INTS7: variants seen among roughly 807,000 people sequenced by gnomAD.
The protein encoded by INTS7 is integrator complex subunit 7, also known as chromosome 1 open reading frame 73.
A neutral mutation model predicts 109.2 loss-of-function variants in INTS7; 46 were observed. The observed-to-expected ratio is 0.42, with a 90% CI of 0.33 to 0.54. The LOEUF is 0.54. INTS7 is among the 20% of genes least tolerant of loss of function. The probability of loss-of-function intolerance (pLI) is 0.07; values close to 1 mark genes in which losing one functional copy is unlikely to be tolerated. For missense variants in INTS7, 929 were observed against 1,132.4 expected (o/e 0.82, Z 2.58); for synonymous variants, 412 against 402.9 (o/e 1.02, Z -0.27).
intron 6 of INTS7, 128 bp from the exon 7 acceptor site, chr1:212,006,889 G>C: frequency 1.4e-6 from 1 of 724,216 alleles, no homozygotes; most frequent in Non-Finnish European, 2.2e-6. Context: ...TCACTCACTA[G>C]CTATGTGCCC....
intron 1 of INTS7, among the ~76,000 whole-genome samples, chr1:212,024,212 T>C (rs1666825093): frequency 6.6e-6 from 1 of 152,094 alleles, no homozygotes. Context: ...TCCATATGAA[T>C]TTTAGAAGAG....
At chr1:211,975,969 A>C (rs1393563793) in intron 12 of INTS7, among the ~76,000 whole-genome samples, 1 of 150,182 alleles carries the variant, frequency 6.7e-6, no homozygotes, top group Non-Finnish European at 1.5e-5. Context: ...TTTTTTTTTT[A>C]ATTTATTTTT....
Position 212,022,676 on chromosome 1 carries a change from C to T in INTS7, c.95-1464G>A, listed in dbSNP as rs1405089195. 2.0e-5 allele frequency among the ~76,000 whole-genome samples: 3 copies of T among 152,218 alleles called. No individual in the cohort carries two copies. In the East Asian group the frequency reaches 5.8e-4, roughly 29 times the overall value. On this transcript the variant is annotated intron_variant, in intron 1 of 19. Coordinates refer to ENST00000366994, the MANE Select transcript of INTS7 (RefSeq NM_015434.4). ...GAGGATATGGGATAACTATAACTCT[C>T]ATACCTTGTTAGTGGGAATGTAAAA... is the stretch of plus-strand genomic sequence containing the variant.
At chr1:211,969,573 T>G (rs12735937) in intron 13 of INTS7, among the ~76,000 whole-genome samples, 1 of 111,998 alleles carries the variant, frequency 8.9e-6, no homozygotes, top group Admixed American at 9.0e-5. Flanking sequence ...TTTTTTTTTT[T>G]GAGACAGGGT....
intron 4 of INTS7, 55 bp from the exon 5 acceptor site, chr1:212,011,476 A>G: frequency 9.2e-7 from 1 of 1,088,116 alleles, no homozygotes; most frequent in South Asian, 1.4e-5. Context: ...TATATTTTCT[A>G]AGGACTTAAA....
chr1:211,999,379 A>T (rs1427384360), intron 7 of INTS7, among the ~76,000 whole-genome samples: 1 of 152,226 alleles, frequency 6.6e-6, no homozygotes, highest in Non-Finnish European at 1.5e-5. Context: ...GCCACATACC[A>T]TATGATTCTA....
chr1:211,990,144 T>C (rs1236255001), intron 7 of INTS7, among the ~76,000 whole-genome samples: 1 of 152,176 alleles, frequency 6.6e-6, no homozygotes, highest in African/African-American at 2.4e-5. Flanking sequence ...ATTTCTTTTC[T>C]GAAAATTTAT....
intron 17 of INTS7, among the ~76,000 whole-genome samples, chr1:211,950,922 A>G (rs1040781488): frequency 3.9e-5 from 6 of 152,192 alleles, no homozygotes; most frequent in African/African-American, 1.4e-4. Flanking sequence ...TCTCACACAG[A>G]TGTGTGTATT....
intron 7 of INTS7, among the ~76,000 whole-genome samples, chr1:211,989,838 AG>A (rs1171727638): frequency 3.3e-5 from 5 of 151,698 alleles, no homozygotes; most frequent in African/African-American, 9.7e-5. Flanking sequence ...AAAAAAAAAA[AG>A]TTCTTACTAA....
chr1:211,956,560 T>C (rs1558024983), intron 16 of INTS7, among the ~76,000 whole-genome samples: 1 of 152,244 alleles, frequency 6.6e-6, no homozygotes, highest in Non-Finnish European at 1.5e-5. Context: ...ATGCTTTTAA[T>C]ATCTGTAAGA....
chr1:211,995,154 C>T (rs972298993), intron 7 of INTS7, among the ~76,000 whole-genome samples: 7 of 152,112 alleles, frequency 4.6e-5, no homozygotes, highest in Non-Finnish European at 1.0e-4. Flanking sequence ...CTAATTAGCA[C>T]ATTAAAATCT....
rs1662872119 is a variant in INTS7, at chr1:211,946,917, A to AT, written c.2317-213dup. Among the ~76,000 whole-genome samples the AT allele has an allele frequency of 1.3e-5, 2 of 152,228 alleles. No individual in the cohort carries two copies. Among genetic ancestry groups the AT allele is most frequent in the South Asian group, 4.1e-4 (2 of 4,824 alleles). On this transcript the variant is annotated intron_variant, in intron 17 of 19. Transcript: ENST00000366994. The surrounding 1 kb of genome is among the most constrained non-coding windows in gnomAD (Gnocchi z 4.3). ...TATTGTGAAGTATATTCAATAAAAT[A>AT]TAAGTGACAGAAATGAGAAAATCCA...
chr1:211,998,010 A>G (rs1413179200), intron 7 of INTS7, among the ~76,000 whole-genome samples: 1 of 152,180 alleles, frequency 6.6e-6, no homozygotes, highest in Non-Finnish European at 1.5e-5. Flanking sequence ...TAAATTTTAC[A>G]TGGAAAGGCA....
chr1:211,962,219 A>G (rs945342146), intron 16 of INTS7, among the ~76,000 whole-genome samples: 5 of 150,904 alleles, frequency 3.3e-5, no homozygotes, highest in African/African-American at 1.2e-4. Flanking sequence ...CAGCAGTTGC[A>G]ATCCTAAATC....
intron 8 of INTS7, among the ~76,000 whole-genome samples, chr1:211,987,685 T>C (rs545453074): frequency 1.3e-5 from 2 of 152,318 alleles, no homozygotes; most frequent in East Asian, 1.9e-4. Context: ...AAATATATTA[T>C]TGACTTAAGA....
At chr1:211,965,454 C>A (rs1663830250) in intron 16 of INTS7, among the ~76,000 whole-genome samples, 1 of 152,112 alleles carries the variant, frequency 6.6e-6, no homozygotes, top group African/African-American at 2.4e-5. Context: ...TGTGTATATA[C>A]CCAAAGGAAT....
At chr1:211,981,632 A>T (rs541221520) in intron 9 of INTS7, among the ~76,000 whole-genome samples, 1 of 152,314 alleles carries the variant, frequency 6.6e-6, no homozygotes, top group Admixed American at 6.5e-5. Flanking sequence ...ACTTTTAGGA[A>T]ATAATAAGGT....
chr1:211,948,313 A>G (rs567374801), intron 17 of INTS7, among the ~76,000 whole-genome samples: 1 of 152,254 alleles, frequency 6.6e-6, no homozygotes, highest in African/African-American at 2.4e-5. Context: ...ATTTAAAGAC[A>G]CTGGTTCTAT....
At chr1:212,010,646 C>A (rs762957900) in intron 5 of INTS7, among the ~76,000 whole-genome samples, 3 of 152,166 alleles carry the variant, frequency 2.0e-5, no homozygotes, top group Non-Finnish European at 2.9e-5. Context: ...ACTTCATAGA[C>A]CCTGTAGTCA....
Sources: gnomAD v4.1 joint callset for allele counts (sites outside exome capture counted in the v4.1 genomes callset) on GRCh38, gnomAD v4.1.1 for gene constraint, Gnocchi (gnomAD v3.1) non-coding constraint, MANE v1.5 for transcripts, NCBI Gene and HGNC (gene_info 2026-07-23, HGNC 2026-07-21) for gene names.